The following ZNF148 variants were observed in gnomAD, a reference collection of about 807,000 sequenced individuals.
ZNF148 encodes Beta-Enolase Repressor Factor-1.
In ZNF148, 7 loss-of-function variants were observed where a neutral mutation model predicts 67.7. The observed-to-expected ratio is 0.10, with a 90% CI of 0.06 to 0.19. ZNF148 has a LOEUF of 0.19. Among genes scored for constraint, ZNF148 ranks in the 10% least tolerant of loss-of-function variants. The pLI, the probability that ZNF148 is intolerant of heterozygous loss-of-function variation, is 1.00. For missense variants in ZNF148, 583 were observed against 947.1 expected (o/e 0.62, Z 5.05); for synonymous variants, 333 against 330.7 (o/e 1.01, Z -0.08).
chr3:125,265,925 C>G (rs1158210844), intron 7 of ZNF148, among the ~76,000 whole-genome samples: 1 of 151,904 alleles, frequency 6.6e-6, no homozygotes, highest in Non-Finnish European at 1.5e-5. Context: ...GGTCATTATT[C>G]TTGTATCAGA....
intron 2 of ZNF148, among the ~76,000 whole-genome samples, chr3:125,327,628 C>T (rs1235049988): frequency 6.6e-6 from 1 of 152,156 alleles, no homozygotes; most frequent in Non-Finnish European, 1.5e-5. Context: ...CAAGACCAGC[C>T]TGGGCAACAC....
At chr3:125,314,627 C>T (rs1940394247) in intron 3 of ZNF148, among the ~76,000 whole-genome samples, 1 of 152,176 alleles carries the variant, frequency 6.6e-6, no homozygotes, top group African/African-American at 2.4e-5. Flanking sequence ...CAGCAAAATA[C>T]ACAAATGTGT....
At chr3:125,317,603 GA>G (rs574023452) in intron 3 of ZNF148, among the ~76,000 whole-genome samples, 4 of 143,458 alleles carry the variant, frequency 2.8e-5, no homozygotes, top group Admixed American at 2.1e-4. Flanking sequence ...TACATTAAGT[GA>G]AAAAAAATCA....
chr3:125,277,603 T>C, intron 7 of ZNF148, 123 bp downstream of exon 7: 2 of 724,312 alleles, frequency 2.8e-6, no homozygotes, highest in South Asian at 4.0e-5. Flanking sequence ...AGAAAAAAGA[T>C]AACCTGTGAT....
At chr3:125,245,071 C>T (rs1936535545) in intron 7 of ZNF148, among the ~76,000 whole-genome samples, 1 of 152,162 alleles carries the variant, frequency 6.6e-6, no homozygotes, top group Non-Finnish European at 1.5e-5. Flanking sequence ...CTCTCAAGAT[C>T]TCCAAAACCA....
intron 5 of ZNF148, among the ~76,000 whole-genome samples, chr3:125,284,085 C>G (rs138694761): frequency 1.1e-3 from 173 of 152,216 alleles, no homozygotes; most frequent in Non-Finnish European, 1.3e-3. Context: ...AAAATATCCT[C>G]TCTCTCATTC....
intron 1 of ZNF148, among the ~76,000 whole-genome samples, chr3:125,369,261 C>CAAA (rs71148178): frequency 0.15 from 1,963 of 12,890 alleles, 532 homozygotes; most frequent in African/African-American, 0.15. Flanking sequence ...GATCCTGCCT[C>CAAA]AAAAAAAAAA....
chr3:125,357,403 A>AC (rs1183094908), intron 1 of ZNF148: 2 of 152,982 alleles, frequency 1.3e-5, no homozygotes, highest in African/African-American at 4.8e-5. Context: ...CGGGACACAC[A>AC]CACACCCCCC....
At chr3:125,261,329 T>C (rs989889963) in intron 7 of ZNF148, among the ~76,000 whole-genome samples, 1 of 152,234 alleles carries the variant, frequency 6.6e-6, no homozygotes. Flanking sequence ...GAAGTCATTA[T>C]GGGCCCTCTT....
At chr3:125,365,383 T>C (rs953635286) in intron 1 of ZNF148, among the ~76,000 whole-genome samples, 1 of 152,210 alleles carries the variant, frequency 6.6e-6, no homozygotes. Context: ...ACAGTCCACG[T>C]ATTTAGTTTC....
chr3:125,245,293 C>T (rs1016961852), intron 7 of ZNF148, among the ~76,000 whole-genome samples: 7 of 152,074 alleles, frequency 4.6e-5, no homozygotes, highest in African/African-American at 1.4e-4. Flanking sequence ...CCCCTCATGC[C>T]GTTCTCCTGA....
chr3:125,254,219 A>T (rs532884763), intron 7 of ZNF148, among the ~76,000 whole-genome samples: 1 of 152,098 alleles, frequency 6.6e-6, no homozygotes, highest in South Asian at 2.1e-4. Flanking sequence ...GATCTAAGTG[A>T]TGTACACATT....
intron 1 of ZNF148, among the ~76,000 whole-genome samples, chr3:125,340,202 A>G (rs1224693953): frequency 1.3e-5 from 2 of 152,202 alleles, no homozygotes; most frequent in African/African-American, 4.8e-5. Flanking sequence ...CTAGCAACAG[A>G]AAGCAGCTCA....
chr3:125,267,340 A>C (rs1937556688), intron 7 of ZNF148, among the ~76,000 whole-genome samples: 1 of 152,122 alleles, frequency 6.6e-6, no homozygotes, highest in Non-Finnish European at 1.5e-5. Context: ...TAGCAAACTG[A>C]ATCTAGGAGC....
At chr3:125,335,388 C>T (rs1941450558) in intron 1 of ZNF148, among the ~76,000 whole-genome samples, 1 of 152,162 alleles carries the variant, frequency 6.6e-6, no homozygotes, top group Admixed American at 6.5e-5. Context: ...GTAGAAAAGT[C>T]ACCCAAGGTC....
chr3:125,313,386 C>T lies in ZNF148; in HGVS notation c.255G>A (p.Glu85=). The stretch of plus-strand genomic sequence containing the variant: ...TCTGCTCTTCATCATTTTTCACTGT[C>T]TCCTCATGGACCATGAGTTCATCAT... The part of the protein sequence containing the change: ...ISHDELMVHE[E]TVKNDEEQME... Residue 85 remains glutamate, a synonymous_variant, in exon 4 of 9, where the codon GAG becomes GAA. Transcript: ENST00000360647. 1 of 1,614,158 alleles carries T rather than the reference C, an allele frequency of 6.2e-7. No homozygotes were observed.
At chr3:125,298,948 A>G (rs2107645839) in intron 4 of ZNF148, among the ~76,000 whole-genome samples, 1 of 152,154 alleles carries the variant, frequency 6.6e-6, no homozygotes, top group East Asian at 1.9e-4. Context: ...TTATATATCC[A>G]AAATGTATTA....
chr3:125,311,608 A>G (rs1232809438), intron 4 of ZNF148, among the ~76,000 whole-genome samples: 1 of 152,174 alleles, frequency 6.6e-6, no homozygotes, highest in Non-Finnish European at 1.5e-5. Context: ...CATCAATTAC[A>G]GACCCCAAAA....
chr3:125,284,735 A>G (rs767446366), intron 5 of ZNF148, among the ~76,000 whole-genome samples: 6 of 152,226 alleles, frequency 3.9e-5, no homozygotes, highest in Admixed American at 1.3e-4. Context: ...TATTATGTAG[A>G]AAACTTACTT....
Sources: allele counts gnomAD v4.1 joint callset (sites outside exome capture counted in the v4.1 genomes callset), GRCh38; gene constraint gnomAD v4.1.1; transcripts MANE v1.5; gene names NCBI Gene and HGNC (gene_info 2026-07-23, HGNC 2026-07-21).